MYL6B: variants seen among roughly 807,000 people sequenced by gnomAD.
MYL6B encodes myosin alkali light chain 1 slow a.
Under a neutral mutation model 24.5 loss-of-function variants are expected in MYL6B, and 19 were observed. That is an observed-to-expected ratio of 0.78 (90% CI 0.54 to 1.14). The LOEUF (loss-of-function observed/expected upper bound fraction) is 1.14. Ranked by LOEUF, MYL6B falls within the 50% of genes most tolerant of loss-of-function variation. The pLI, the probability that MYL6B is intolerant of heterozygous loss-of-function variation, is 0.00. For missense variants in MYL6B, 230 were observed against 263.8 expected (o/e 0.87, Z 0.89); for synonymous variants, 90 against 100.7 (o/e 0.89, Z 0.64).
At chr12:56,155,808 A>G in intron 5 of MYL6B, 2 of 1,470,300 alleles carry the variant, frequency 1.4e-6, no homozygotes, top group Non-Finnish European at 1.8e-6. Flanking sequence ...AAAAGGGATG[A>G]GGCGGGAAAC....
exon 4 of MYL6B, chr12:56,155,180 G>T (rs1484012058): frequency 6.2e-7 from 1 of 1,610,782 alleles, no homozygotes; most frequent in Non-Finnish European, 8.5e-7. Flanking sequence ...CAAGGTCCTG[G>T]GGAACCCCAA....
rs183097396 is a variant in MYL6B at position 56,155,849 on chromosome 12, G to T, written c.520+257G>T. The T allele has an allele frequency of 1.2e-5, 16 of 1,376,430 alleles. No individual in the cohort carries two copies. In the African/African-American group the frequency reaches 2.0e-4, roughly 18 times the overall value. 85.3% of individuals were successfully genotyped at this position (1,376,430 alleles called of 1,614,324 possible). ...TTTTCATTTTGGAAGAGACGTGTGG[G>T]TTGTGTGTTCTGGTACAAGTCTCGT... On this transcript the variant is annotated intron_variant, in intron 5 of 6. Transcript: ENST00000553066.
At chr12:56,155,067 C>T (rs373700694) in exon 4 of MYL6B, 15 of 1,612,202 alleles carry the variant, frequency 9.3e-6, no homozygotes, top group Non-Finnish European at 1.3e-5. Flanking sequence ...TTCAAGGAGG[C>T]CTTCGAGCTG....
intron 5 of MYL6B, among the ~76,000 whole-genome samples, chr12:56,156,650 C>T (rs1871319549): frequency 6.6e-6 from 1 of 151,774 alleles, no homozygotes; most frequent in African/African-American, 2.4e-5. Context: ...GTGGCTCACT[C>T]CTGTAATCCT....
At chr12:56,157,962 A>C (rs1014216670) in exon 7 of MYL6B, 3 of 592,764 alleles carry the variant, frequency 5.1e-6, no homozygotes, top group African/African-American at 3.7e-5. Flanking sequence ...TTTCAAAATA[A>C]AGACTGGGTT....
At chr12:56,154,330 C>A (rs1049662807) in intron 2 of MYL6B, among the ~76,000 whole-genome samples, 4 of 152,198 alleles carry the variant, frequency 2.6e-5, no homozygotes, top group Non-Finnish European at 5.9e-5. Context: ...TCACTTACCC[C>A]CTGCTGGAGG....
In MYL6B at chr12:56,157,879, C is replaced by T. The variant is rs2136909256; in HGVS notation, c.*153C>T. The T allele has an allele frequency of 2.3e-6, 2 of 883,512 alleles. No individual in the cohort carries two copies. Among genetic ancestry groups the T allele is most frequent in the East Asian group, 2.6e-5 (1 of 37,768 alleles). 54.7% of individuals were successfully genotyped at this position (883,512 alleles called of 1,614,324 possible). ...GCTTCGCAACTTTGGTTTTTTTCCA[C>T]AGATCCAGTGGGGTCCGGACACTGG... On this transcript the variant is annotated 3_prime_UTR_variant, in exon 7 of 7. Transcript: ENST00000553066.
At chr12:56,157,107 G>T in intron 5 of MYL6B, 1 of 178,030 alleles carries the variant, frequency 5.6e-6, no homozygotes, top group South Asian at 1.2e-4. Flanking sequence ...AAAAATATAT[G>T]GAAAAAGCCA....
At chr12:56,154,935 C>A in intron 3 of MYL6B, 95 bp downstream of exon 3, 1 of 1,564,766 alleles carries the variant, frequency 6.4e-7, no homozygotes, top group Middle Eastern at 1.7e-4. Flanking sequence ...ACCTTGAAAC[C>A]TCCCATACTA....
chr12:56,157,133 G>A (rs945677719), intron 5 of MYL6B: 15 of 213,776 alleles, frequency 7.0e-5, no homozygotes, highest in Non-Finnish European at 9.5e-5. Flanking sequence ...GGTGGCTCAC[G>A]CCTGTAATCC....
Position 56,155,657 on chromosome 12 carries a change from G to GA in MYL6B, c.520+66dup, listed in dbSNP as rs769663777. ...AGAGGGGGATGGGGTGGGCCAGAAA[G>GA]ACTGGACAGATAAGCAGAGCTAGCA... On this transcript the variant is annotated intron_variant, in intron 5 of 6. Transcript: ENST00000553066. 3.1e-6 allele frequency: 5 copies of GA among 1,609,450 alleles called. No homozygotes were observed. In the South Asian group the frequency reaches 5.5e-5, roughly 18 times the overall value.
chr12:56,157,926 T>C (rs916448591), exon 7 of MYL6B: 4 of 619,378 alleles, frequency 6.5e-6, no homozygotes, highest in Middle Eastern at 3.9e-4. Flanking sequence ...GAAAGCACGT[T>C]CCAGCCACCA....
At chr12:56,156,379 C>G (rs1017394357) in intron 5 of MYL6B, 2 of 151,216 alleles carry the variant, frequency 1.3e-5, no homozygotes, top group Admixed American at 6.6e-5. Context: ...CCGAGGCAGG[C>G]GGATCACTTG....
exon 7 of MYL6B, chr12:56,157,784 C>T (rs1871397103): frequency 6.3e-7 from 1 of 1,589,478 alleles, no homozygotes; most frequent in Non-Finnish European, 8.6e-7. Flanking sequence ...AAGTCTCCCG[C>T]CCTTCTCTCA....
intron 1 of MYL6B, among the ~76,000 whole-genome samples, chr12:56,152,870 C>A (rs1871155043): frequency 6.6e-6 from 1 of 152,034 alleles, no homozygotes; most frequent in South Asian, 2.1e-4. Flanking sequence ...TAATTTACCC[C>A]AGAACAAAAG....
chr12:56,154,851 G>A lies in MYL6B; in HGVS notation c.202+11G>A. On this transcript the variant is annotated intron_variant, in intron 3 of 6. Transcript: ENST00000553066. The stretch of plus-strand genomic sequence containing the variant: ...AGGACCAGCTGGAGGGTGAGGAGAA[G>A]CTCATCTAAGGCCACTGTCCCATCC... 4 of 1,611,934 alleles carry A rather than the reference G, an allele frequency of 2.5e-6. No homozygotes were observed. Among genetic ancestry groups the A allele is most frequent in the Non-Finnish European group, 3.4e-6 (4 of 1,178,908 alleles).
intron 5 of MYL6B, chr12:56,155,842 C>G (rs190456851): frequency 2.2e-6 from 3 of 1,390,908 alleles, no homozygotes; most frequent in Non-Finnish European, 9.4e-7. Flanking sequence ...TTGGAAGAGA[C>G]GTGTGGGTTG....
At chr12:56,157,669 G>A in intron 6 of MYL6B, 29 bp from the exon 7 acceptor site, 1 of 1,613,348 alleles carries the variant, frequency 6.2e-7, no homozygotes, top group Non-Finnish European at 8.5e-7. Flanking sequence ...GCCTGCTTCT[G>A]AAGCCCCTCT....
At position 56,157,455 on chromosome 12, in the gene MYL6B, G is replaced by A; in HGVS notation, c.521-13G>A. ...GGGAAAGGAGGGCCTCAGACGTTGT[G>A]TCTGGGATTCAGGAGAGAAGATGAC... is the stretch of plus-strand genomic sequence containing the variant. On this transcript the variant is annotated splice_polypyrimidine_tract_variant and intron_variant, in intron 5 of 6. Transcript: ENST00000553066. The A allele has an allele frequency of 6.2e-7, 1 of 1,613,776 alleles. No homozygotes were observed. The highest frequency in any genetic ancestry group is 1.1e-5 in the South Asian group (1 of 91,052).
Sources: gnomAD v4.1 joint callset for allele counts (sites outside exome capture counted in the v4.1 genomes callset) on GRCh38, gnomAD v4.1.1 for gene constraint, MANE v1.5 for transcripts, NCBI Gene and HGNC (gene_info 2026-07-23, HGNC 2026-07-21) for gene names.